CMTR1: variants seen among roughly 807,000 people sequenced by gnomAD.
The protein encoded by CMTR1 is cap-specific mRNA (nucleoside-2'-O-)-methyltransferase 1.
A neutral mutation model predicts 107.0 loss-of-function variants in CMTR1; 39 were observed. The observed-to-expected ratio is 0.36, with a 90% CI of 0.28 to 0.48. CMTR1 has a LOEUF of 0.48. CMTR1 is among the 20% of genes least tolerant of loss of function. CMTR1 has a pLI of 0.99. For missense variants in CMTR1, 672 were observed against 1,064.9 expected (o/e 0.63, Z 5.14); for synonymous variants, 366 against 379.5 (o/e 0.96, Z 0.41).
intron 13 of CMTR1, among the ~76,000 whole-genome samples, chr6:37,467,807 C>CT (rs555967517): frequency 2.0e-3 from 308 of 152,108 alleles, no homozygotes; most frequent in Non-Finnish European, 2.9e-3. Flanking sequence ...TTTATATGGT[C>CT]TTTTTTTGTC....
At chr6:37,459,709 T>C in intron 10 of CMTR1, 25 bp downstream of exon 10, 1 of 1,466,610 alleles carries the variant, frequency 6.8e-7, no homozygotes, top group Non-Finnish European at 9.6e-7. Context: ...TTCCATAGAC[T>C]GATGCATTAA....
intron 1 of CMTR1, 128 bp from the exon 2 acceptor site, chr6:37,435,496 T>C: frequency 2.1e-6 from 2 of 960,372 alleles, no homozygotes; most frequent in South Asian, 3.4e-5. Flanking sequence ...GCTATTCAAG[T>C]GCTGGCACTG....
chr6:37,457,425 C>T (rs370028007), intron 8 of CMTR1, among the ~76,000 whole-genome samples: 1 of 152,154 alleles, frequency 6.6e-6, no homozygotes, highest in East Asian at 1.9e-4. Flanking sequence ...CTGCCCCAAC[C>T]CCACACCCAG....
At chr6:37,479,066 G>A (rs1200322245) in intron 22 of CMTR1, 81 bp from the exon 23 acceptor site, 12 of 942,686 alleles carry the variant, frequency 1.3e-5, no homozygotes, top group East Asian at 2.4e-5. Flanking sequence ...TAGGACCACC[G>A]GGAGTGGAGG....
intron 3 of CMTR1, among the ~76,000 whole-genome samples, chr6:37,445,611 C>T (rs1257021230): frequency 6.6e-6 from 1 of 151,286 alleles, no homozygotes; most frequent in East Asian, 1.9e-4. Flanking sequence ...GCCTCAGCCT[C>T]CTGAGTAGCT....
chr6:37,444,078 C>T lies in CMTR1; in HGVS notation c.213C>T (p.Phe71=), dbSNP rs1234476751. The change falls in exon 3 of 24, where the codon TTC becomes TTT. Residue 71 remains phenylalanine, a synonymous_variant. Transcript: ENST00000373451. ...GCTCTGACTCTTTTGACGATGCATT[C>T]AAAGCAGACTCTCTTGTGGAAGGAA... ...QHSSDSFDDA[F]KADSLVEGTS... 1.2e-6 allele frequency: 2 copies of T among 1,614,164 alleles called. No individual in the cohort carries two copies. Among genetic ancestry groups the T allele is most frequent in the Admixed American group, 1.7e-5 (1 of 60,026 alleles).
chr6:37,467,508 A>G (rs566732169), intron 13 of CMTR1, among the ~76,000 whole-genome samples: 20 of 152,330 alleles, frequency 1.3e-4, no homozygotes, highest in African/African-American at 4.6e-4. Flanking sequence ...CAAATTTTCT[A>G]AATCTTAACT....
chr6:37,451,671 C>T (rs925585730), intron 5 of CMTR1, 135 bp from the exon 6 acceptor site: 37 of 646,620 alleles, frequency 5.7e-5, no homozygotes, highest in Middle Eastern at 2.6e-4. Context: ...CTTTCCCACC[C>T]TTCAGGGATT....
rs1328270562 is a variant in CMTR1, at chr6:37,481,025, G to A, written c.*880G>A. ...CGCTGCCCTCTGGCAGTCATGCACC[G>A]CTGTCTGCCATAGCCGCTCTAGGGT... On this transcript the variant is annotated 3_prime_UTR_variant, in exon 24 of 24. Coordinates refer to ENST00000373451, the MANE Select transcript of CMTR1 (RefSeq NM_015050.3). 17 of 1,303,876 alleles carry A rather than the reference G, an allele frequency of 1.3e-5. No homozygotes were observed. The highest frequency in any genetic ancestry group is 1.5e-5 in the Non-Finnish European group (15 of 988,842). 80.8% of individuals were successfully genotyped at this position (1,303,876 alleles called of 1,614,324 possible). A position where few individuals can be genotyped will look rare whatever the true frequency, so the allele number is the denominator to read the frequency against.
intron 8 of CMTR1, among the ~76,000 whole-genome samples, chr6:37,456,665 CTG>C (rs1761302073): frequency 6.6e-6 from 1 of 152,200 alleles, no homozygotes. Flanking sequence ...AGAGGGAAGA[CTG>C]AGGTCCCTAA....
intron 4 of CMTR1, among the ~76,000 whole-genome samples, chr6:37,447,719 GGT>G: frequency 6.6e-6 from 1 of 152,072 alleles, no homozygotes; most frequent in East Asian, 1.9e-4. Flanking sequence ...AAACTAGCCA[GGT>G]GTGGGACTCA....
intron 3 of CMTR1, among the ~76,000 whole-genome samples, chr6:37,444,717 G>A (rs938555328): frequency 3.9e-5 from 6 of 152,248 alleles, no homozygotes; most frequent in Admixed American, 1.3e-4. Context: ...TTTACCTTCT[G>A]TCTTGCTTTA....
At chr6:37,471,152 T>G (rs1242617072) in intron 14 of CMTR1, 75 bp downstream of exon 14, 1 of 1,336,648 alleles carries the variant, frequency 7.5e-7, no homozygotes, top group Non-Finnish European at 1.0e-6. Flanking sequence ...AAGCTGTTTG[T>G]TTTTTTCATT....
intron 13 of CMTR1, among the ~76,000 whole-genome samples, chr6:37,464,628 G>A (rs1326634997): frequency 6.6e-6 from 1 of 151,992 alleles, no homozygotes; most frequent in African/African-American, 2.4e-5. Flanking sequence ...TCATGTTTTT[G>A]AGATTCATTC....
intron 19 of CMTR1, chr6:37,475,780 G>A (rs1432204423): frequency 4.2e-6 from 2 of 476,016 alleles, no homozygotes; most frequent in Non-Finnish European, 7.7e-6. Context: ...ATCTGAGTGG[G>A]TGCACTGTAG....
upstream of CMTR1, among the ~76,000 whole-genome samples, chr6:37,432,164 A>C (rs2113857770): frequency 6.6e-6 from 1 of 152,288 alleles, no homozygotes; most frequent in African/African-American, 2.4e-5. Context: ...CATGGGGAGA[A>C]CTAAGGGATA....
chr6:37,475,311 A>G lies in CMTR1; in HGVS notation c.1945-10A>G. 1 of 1,611,694 alleles carries G rather than the reference A, an allele frequency of 6.2e-7. No homozygotes were observed. The highest frequency in any genetic ancestry group is 8.5e-7 in the Non-Finnish European group (1 of 1,178,316). On this transcript the variant is annotated splice_polypyrimidine_tract_variant and intron_variant, in intron 18 of 23. Transcript: ENST00000373451. ...GGCAGAGTGGGCAGTGTACCTACTTATCCTTCTAGGGGAAGGCCCAGAGGA... is the reference window on the plus strand; with the variant it reads ...GGCAGAGTGGGCAGTGTACCTACTTGTCCTTCTAGGGGAAGGCCCAGAGGA...
chr6:37,437,452 G>A (rs1168481647), intron 2 of CMTR1, among the ~76,000 whole-genome samples: 5 of 151,206 alleles, frequency 3.3e-5, no homozygotes, highest in South Asian at 2.1e-4. Context: ...GCGTGAACCC[G>A]GGAGGCAGAG....
chr6:37,427,286 G>T, the CMTR1 span, among the ~76,000 whole-genome samples: 1 of 152,034 alleles, frequency 6.6e-6, no homozygotes, highest in Non-Finnish European at 1.5e-5. The surrounding 1 kb of genome is among the most constrained non-coding windows in gnomAD (Gnocchi z 4.4). Flanking sequence ...CATATTCCCG[G>T]TGCTTCCTAC....
Sources: gnomAD v4.1 joint callset for allele counts (sites outside exome capture counted in the v4.1 genomes callset) on GRCh38, gnomAD v4.1.1 for gene constraint, Gnocchi (gnomAD v3.1) non-coding constraint, MANE v1.5 for transcripts, NCBI Gene and HGNC (gene_info 2026-07-23, HGNC 2026-07-21) for gene names.